Variants in CAMTA1 observed in about 807,000 individuals in gnomAD.
CAMTA1 encodes calmodulin binding transcription activator 1.
CAMTA1 carries 27 observed loss-of-function variants against 170.9 expected under a neutral mutation model. The ratio of observed to expected loss-of-function variants is 0.16; its 90% CI spans 0.12 to 0.22. The LOEUF is 0.22. Ranked by LOEUF, CAMTA1 falls within the 10% of genes least tolerant of loss-of-function variation. CAMTA1 has a pLI of 1.00. For missense variants in CAMTA1, 1,619 were observed against 2,217.2 expected (o/e 0.73, Z 5.42); for synonymous variants, 833 against 891.5 (o/e 0.93, Z 1.17).
At position 6,934,305 on chromosome 1, in the gene CAMTA1, C is replaced by T. The variant is rs74872836; in HGVS notation, c.234+109095C>T. Among the ~76,000 whole-genome samples the T allele has an allele frequency of 6.8e-4, 104 of 152,254 alleles. No homozygotes were observed. The highest frequency in any genetic ancestry group is 4.1e-3 in the Admixed American group (63 of 15,298). On this transcript the variant is annotated intron_variant, in intron 3 of 22. Transcript: ENST00000303635. This position sits in a 1 kb window ranked among gnomAD's most constrained non-coding sequence, Gnocchi z 4.5. ...GAGGCATGCTCCCGGAAGTTAGCATCGCTCATGGCCCTCAGTCAGGGCATG... is the reference window on the plus strand; with the variant it reads ...GAGGCATGCTCCCGGAAGTTAGCATTGCTCATGGCCCTCAGTCAGGGCATG...
At chr1:7,266,688 G>A (rs559984404) in intron 5 of CAMTA1, among the ~76,000 whole-genome samples, 2 of 152,320 alleles carry the variant, frequency 1.3e-5, no homozygotes, top group Non-Finnish European at 1.5e-5. Context: ...GACAAGTAGT[G>A]GCCAGGCACT....
At chr1:7,228,446 C>T (rs139526899) in intron 4 of CAMTA1, among the ~76,000 whole-genome samples, 313 of 152,358 alleles carry the variant, frequency 2.1e-3, no homozygotes, top group Middle Eastern at 0.014. Flanking sequence ...ACTCTCACTT[C>T]GTGCTCAGCA....
intron 5 of CAMTA1, among the ~76,000 whole-genome samples, chr1:7,292,410 T>C (rs1406698160): frequency 6.6e-6 from 1 of 152,220 alleles, no homozygotes; most frequent in Non-Finnish European, 1.5e-5. Flanking sequence ...GTGTCTCCTG[T>C]GGATCTTTAT....
chr1:7,488,872 A>G (rs2093660175), intron 6 of CAMTA1, among the ~76,000 whole-genome samples: 1 of 152,172 alleles, frequency 6.6e-6, no homozygotes, highest in South Asian at 2.1e-4. Context: ...TACACACAAT[A>G]CACATTGCAG....
chr1:7,506,667 A>G (rs1043531152), intron 6 of CAMTA1, among the ~76,000 whole-genome samples: 2 of 149,960 alleles, frequency 1.3e-5, no homozygotes, highest in Non-Finnish European at 3.0e-5. Flanking sequence ...CGTAAAATTC[A>G]CTCTAACATC....
intron 5 of CAMTA1, among the ~76,000 whole-genome samples, chr1:7,312,360 T>A (rs1017943824): frequency 6.7e-6 from 1 of 149,210 alleles, no homozygotes; most frequent in African/African-American, 2.5e-5. Flanking sequence ...GTCCAGAGCC[T>A]GTTTTCTTGC....
chr1:7,696,333 C>T (rs1488522939), intron 11 of CAMTA1, among the ~76,000 whole-genome samples: 1 of 152,012 alleles, frequency 6.6e-6, no homozygotes, highest in Non-Finnish European at 1.5e-5. Flanking sequence ...GTAGCTGGGA[C>T]TACAGGCACC....
At chr1:7,499,104 TGA>T (rs2093912067) in intron 6 of CAMTA1, among the ~76,000 whole-genome samples, 1 of 134,836 alleles carries the variant, frequency 7.4e-6, no homozygotes, top group Non-Finnish European at 1.6e-5. Flanking sequence ...TGTCCATGAG[TGA>T]GTGTGTAGAG....
At chr1:7,393,487 A>G (rs969210741) in intron 5 of CAMTA1, among the ~76,000 whole-genome samples, 3 of 152,056 alleles carry the variant, frequency 2.0e-5, no homozygotes, top group Non-Finnish European at 2.9e-5. Flanking sequence ...TATGTTGCCC[A>G]GGCTGGTCTC....
chr1:7,455,809 GGCCCTCCGT>G lies in CAMTA1; in HGVS notation c.439-12017_439-12009del, dbSNP rs1326311524. Among the ~76,000 whole-genome samples the G allele has an allele frequency of 6.6e-6, 1 of 152,232 alleles. No homozygotes were observed. Among genetic ancestry groups the G allele is most frequent in the African/African-American group, 2.4e-5 (1 of 41,462 alleles). The stretch of plus-strand genomic sequence containing the variant: ...AGCCACTGATTTCTGGGCAGCACTT[GGCCCTCCGT>G]GCCGTCCAGAATGGCCTCGGGGAGT... On this transcript the variant is annotated intron_variant, in intron 5 of 22. Coordinates refer to ENST00000303635, the MANE Select transcript of CAMTA1 (RefSeq NM_015215.4). The surrounding 1 kb of genome is among the most constrained non-coding windows in gnomAD (Gnocchi z 5.0).
Position 7,302,989 on chromosome 1 carries a change from C to A in CAMTA1, c.438+53363C>A, listed in dbSNP as rs376402759. 5.3e-5 allele frequency among the ~76,000 whole-genome samples: 8 copies of A among 152,152 alleles called. No homozygotes were observed. The South Asian group carries it at 8.3e-4, about 16-fold the overall frequency. On this transcript the variant is annotated intron_variant, in intron 5 of 22. Coordinates refer to ENST00000303635, the MANE Select transcript of CAMTA1 (RefSeq NM_015215.4). ...AGGTGCTGTGGGAGGCTAGGGTGAC[C>A]CTGAACAAATTCTGTAATCTCTCTG...
At chr1:6,920,398 G>A (rs145857390) in intron 3 of CAMTA1, among the ~76,000 whole-genome samples, 182 of 152,328 alleles carry the variant, frequency 1.2e-3, no homozygotes, top group Non-Finnish European at 1.7e-3. Flanking sequence ...GTAGGGTACA[G>A]CCTCCCTCCT....
In CAMTA1 at chr1:7,767,874, C is replaced by A. The variant is rs2097032581; in HGVS notation, c.*1383C>A. On this transcript the variant is annotated 3_prime_UTR_variant, in exon 23 of 23. Transcript: ENST00000303635. ...AAAAAAAAGAGCTACTGTATTTAGA[C>A]TTAGGAAAAAAGGCAGAGTAACATT... The A allele has an allele frequency of 1.4e-5, 2 of 145,646 alleles. No individual in the cohort carries two copies. Among genetic ancestry groups the A allele is most frequent in the Admixed American group, 6.8e-5 (1 of 14,666 alleles). 9.0% of individuals were successfully genotyped at this position (145,646 alleles called of 1,614,324 possible). A position where few individuals can be genotyped will look rare whatever the true frequency, so the allele number is the denominator to read the frequency against.
intron 11 of CAMTA1, among the ~76,000 whole-genome samples, chr1:7,703,767 C>T (rs1441258735): frequency 6.6e-6 from 1 of 152,136 alleles, no homozygotes; most frequent in South Asian, 2.1e-4. Flanking sequence ...TTTCTCTGTG[C>T]GAGGCCGTGG....
At chr1:7,066,080 A>T (rs1708920440) in intron 3 of CAMTA1, among the ~76,000 whole-genome samples, 3 of 152,190 alleles carry the variant, frequency 2.0e-5, no homozygotes, top group African/African-American at 7.2e-5. Flanking sequence ...GCTTGACCTC[A>T]TACCTGTTTA....
At chr1:7,472,986 C>A (rs1385705110) in intron 6 of CAMTA1, among the ~76,000 whole-genome samples, 2 of 152,184 alleles carry the variant, frequency 1.3e-5, no homozygotes, top group African/African-American at 4.8e-5. Context: ...GAAGAAGATG[C>A]CTTCTCCATG....
chr1:7,665,155 G>T lies in CAMTA1; in HGVS notation c.2608G>T (p.Val870Leu). Residue 870 changes from valine to leucine, a missense_variant, in exon 9 of 23, where the codon GTG becomes TTG. Physicochemically the swap from Val to Leu is conservative, Grantham distance 32 (BLOSUM62 1). Around this residue, in one of 8 missense-constraint regions of CAMTA1, gnomAD observed 731 missense variants for 907.6 expected, o/e 0.81. Transcript: ENST00000303635. The surrounding 1 kb of genome is among the most constrained non-coding windows in gnomAD (Gnocchi z 4.3). ...TLGMLQQSGR[V>L]FMVTDYSPEW... ...AGGCATGCTGCAGCAGAGCGGACGG[G>T]TGTTCATGGTGACCGACTACTCCCC... is the stretch of plus-strand genomic sequence containing the variant. The T allele has an allele frequency of 6.7e-7, 1 of 1,498,664 alleles. No homozygotes were observed. The highest frequency in any genetic ancestry group is 1.4e-5 in the South Asian group (1 of 73,618). 92.8% of individuals were successfully genotyped at this position (1,498,664 alleles called of 1,614,324 possible).
At chr1:7,118,910 C>T (rs1644490365) in intron 4 of CAMTA1, among the ~76,000 whole-genome samples, 1 of 152,158 alleles carries the variant, frequency 6.6e-6, no homozygotes, top group African/African-American at 2.4e-5. Context: ...TGTCAGAAGA[C>T]GAGCTGACTT....
chr1:7,028,884 G>A (rs559924574), intron 3 of CAMTA1, among the ~76,000 whole-genome samples: 2 of 151,580 alleles, frequency 1.3e-5, no homozygotes, highest in East Asian at 1.9e-4. Flanking sequence ...GCGACATGTT[G>A]TCAGATAAGT....
Sources: gnomAD v4.1 joint callset for allele counts (sites outside exome capture counted in the v4.1 genomes callset) on GRCh38, gnomAD v4.1.1 for gene constraint, gnomAD v4.1.1 regional missense constraint, Gnocchi (gnomAD v3.1) non-coding constraint, MANE v1.5 for transcripts, NCBI Gene and HGNC (gene_info 2026-07-23, HGNC 2026-07-21) for gene names.